Variants in E2F6 observed in about 807,000 individuals in gnomAD.
The protein encoded by E2F6 is transcription factor E2F6.
A neutral mutation model predicts 31.5 loss-of-function variants in E2F6; 19 were observed. The ratio of observed to expected loss-of-function variants is 0.60; its 90% CI spans 0.42 to 0.89. The LOEUF is 0.89. E2F6 is among the 40% of genes least tolerant of loss of function. E2F6 has a pLI of 0.00. For missense variants in E2F6, 269 were observed against 341.6 expected, an observed-to-expected ratio of 0.79 and a Z score of 1.67; for synonymous variants, 121 against 127.7, an observed-to-expected ratio of 0.95 and a Z score of 0.36.
rs1422679204 is a variant in E2F6, at chr2:11,465,793, G to A, written c.87C>T (p.Pro29=). 2.1e-5 allele frequency: 34 copies of A among 1,600,526 alleles called. 1 individual carries two copies. The highest frequency in any genetic ancestry group is 6.8e-5 in the East Asian group (3 of 44,254). ...TTACCAGCAGGCCCTCCACGTTGAT[G>A]GGGTCTCGGCACCGACGGCGAACCG... The part of the protein sequence containing the change: ...EETVRRRCRD[P]INVEGLLPSK... The change falls in exon 1 of 7, where the codon CCC becomes CCT. Residue 29 remains proline, a synonymous_variant. Transcript: ENST00000381525.
chr2:11,462,042 T>G, intron 1 of E2F6, among the ~76,000 whole-genome samples: 1 of 152,238 alleles, frequency 6.6e-6, no homozygotes, highest in East Asian at 1.9e-4. Flanking sequence ...CTATTAGAAG[T>G]AGAGCTCTTG....
chr2:11,452,988 T>C (rs1407533575), intron 3 of E2F6, among the ~76,000 whole-genome samples: 2 of 152,224 alleles, frequency 1.3e-5, no homozygotes, highest in Non-Finnish European at 2.9e-5. Context: ...GAGGTCACTA[T>C]GTACTTATTT....
intron 5 of E2F6, among the ~76,000 whole-genome samples, chr2:11,449,607 T>C (rs1448321468): frequency 2.0e-5 from 3 of 152,234 alleles, no homozygotes; most frequent in African/African-American, 7.2e-5. Flanking sequence ...TCCTGGTTTA[T>C]TCATCAGTCT....
intron 1 of E2F6, among the ~76,000 whole-genome samples, chr2:11,465,178 CAAAAAAA>C (rs59561027): frequency 4.5e-5 from 4 of 88,590 alleles, no homozygotes; most frequent in Middle Eastern, 6.8e-3. Context: ...AACTCAATCT[CAAAAAAA>C]AAAAAAAAAA....
At chr2:11,451,507 C>T (rs771511726) in intron 4 of E2F6, 144 bp downstream of exon 4, 16 of 796,994 alleles carry the variant, frequency 2.0e-5, no homozygotes, top group Non-Finnish European at 3.0e-5. Flanking sequence ...TGTGTGCCAC[C>T]ACGCCTGGCT....
chr2:11,455,415 C>G (rs1036774550), intron 2 of E2F6: 1 of 1,283,282 alleles, frequency 7.8e-7, no homozygotes, highest in African/African-American at 1.5e-5. Flanking sequence ...GCGGTTACTT[C>G]AGGAACAAAG....
At chr2:11,458,767 A>C (rs1374636504) in intron 1 of E2F6, among the ~76,000 whole-genome samples, 2 of 152,212 alleles carry the variant, frequency 1.3e-5, no homozygotes, top group Non-Finnish European at 2.9e-5. Flanking sequence ...TCTATTAACA[A>C]ATCACCCCAA....
rs376174275 is a variant in E2F6 at position 11,458,244 on chromosome 2, C to A, written c.109-1011G>T. 3.9e-6 allele frequency: 6 copies of A among 1,549,882 alleles called. No homozygotes were observed. In the African/African-American group the frequency reaches 6.8e-5, roughly 18 times the overall value. ...ATAGGTACTCTAAGAAGAGAATCAACAGCAGTACTAGGGATACACCCAGAC... is the reference window on the plus strand; with the variant it reads ...ATAGGTACTCTAAGAAGAGAATCAAAAGCAGTACTAGGGATACACCCAGAC... On this transcript the variant is annotated intron_variant, in intron 1 of 6. Coordinates refer to ENST00000381525, the MANE Select transcript of E2F6 (RefSeq NM_198256.4).
chr2:11,450,509 C>T (rs1332637137), intron 4 of E2F6, among the ~76,000 whole-genome samples: 2 of 151,952 alleles, frequency 1.3e-5, no homozygotes, highest in African/African-American at 4.8e-5. Flanking sequence ...CTAGATCTTA[C>T]TATAACTTTG....
At position 11,462,867 on chromosome 2, in the gene E2F6, G is replaced by A. The variant is rs188564806; in HGVS notation, c.108+2905C>T. 1.8e-3 allele frequency among the ~76,000 whole-genome samples: 277 copies of A among 152,252 alleles called. 2 individuals carry two copies. Among genetic ancestry groups the A allele is most frequent in the Non-Finnish European group, 2.4e-3 (166 of 68,022 alleles). On this transcript the variant is annotated intron_variant, in intron 1 of 6. Coordinates refer to ENST00000381525, the MANE Select transcript of E2F6 (RefSeq NM_198256.4). ...GGAATTTTCATTTTAATAGTTTGGG[G>A]GACCACAGGTTAACTGAAATAAAGA...
intron 5 of E2F6, among the ~76,000 whole-genome samples, chr2:11,448,428 C>CT (rs1670858537): frequency 6.6e-6 from 1 of 152,144 alleles, no homozygotes; most frequent in African/African-American, 2.4e-5. Flanking sequence ...ATAACAAAGT[C>CT]TGTTTTCTCC....
At chr2:11,459,809 G>A (rs558058745) in intron 1 of E2F6, among the ~76,000 whole-genome samples, 113 of 152,196 alleles carry the variant, frequency 7.4e-4, no homozygotes, top group Non-Finnish European at 9.4e-4. Flanking sequence ...GCTTGAACCC[G>A]GGAGGCAGGG....
At chr2:11,456,654 C>T (rs757742554) in intron 2 of E2F6, among the ~76,000 whole-genome samples, 3 of 152,164 alleles carry the variant, frequency 2.0e-5, no homozygotes, top group African/African-American at 7.2e-5. Flanking sequence ...GGGACAGATG[C>T]AAGAAACACA....
chr2:11,452,570 C>CAA (rs776851289), intron 3 of E2F6, among the ~76,000 whole-genome samples: 43 of 151,452 alleles, frequency 2.8e-4, no homozygotes, highest in Non-Finnish European at 4.7e-4. Flanking sequence ...TGCCACTATA[C>CAA]TCCAGCCTGG....
intron 1 of E2F6, among the ~76,000 whole-genome samples, chr2:11,458,610 A>G (rs769786018): frequency 2.0e-5 from 3 of 152,254 alleles, no homozygotes; most frequent in Admixed American, 6.5e-5. Flanking sequence ...GTTTAGAAAT[A>G]TAAGTATGGC....
rs946346180 is a variant in E2F6 at position 11,465,860 on chromosome 2, G to A, written c.20C>T (p.Ala7Val). MSQQRP[A>V]RKLPSLLLDP... ...CAGGAGGAGACTGGGTAACTTCCTCGCCGGCCGCTGCTGACTCATGCTGCC... is the reference window on the plus strand; with the variant it reads ...CAGGAGGAGACTGGGTAACTTCCTCACCGGCCGCTGCTGACTCATGCTGCC... Residue 7 changes from alanine to valine, a missense_variant, in exon 1 of 7, where the codon GCG becomes GTG. Physicochemically the swap from Ala to Val is moderately conservative, Grantham distance 64. Coordinates refer to ENST00000381525, the MANE Select transcript of E2F6 (RefSeq NM_198256.4). 4 of 1,566,052 alleles carry A rather than the reference G, an allele frequency of 2.6e-6. No individual in the cohort carries two copies. The African/African-American group carries it at 4.1e-5, about 16-fold the overall frequency.
Position 11,456,946 on chromosome 2 carries a change from C to G in E2F6, c.163+233G>C, listed in dbSNP as rs80122710. The G allele has an allele frequency of 9.2e-3, 4,160 of 454,640 alleles. 152 individuals are homozygous for G. The highest frequency in any genetic ancestry group is 0.078 in the African/African-American group (3,777 of 48,506). 28.2% of individuals were successfully genotyped at this position (454,640 alleles called of 1,614,324 possible). A position where few individuals can be genotyped will look rare whatever the true frequency, so the allele number is the denominator to read the frequency against. The stretch of plus-strand genomic sequence containing the variant: ...GTACATTTCTCTCCCAGGAGGAATT[C>G]TGAGAAAATAGCCTTAAATACAGAC... On this transcript the variant is annotated intron_variant, in intron 2 of 6. Transcript: ENST00000381525.
chr2:11,462,136 G>A (rs1471027482), intron 1 of E2F6, among the ~76,000 whole-genome samples: 1 of 151,998 alleles, frequency 6.6e-6, no homozygotes, highest in Non-Finnish European at 1.5e-5. Flanking sequence ...CTGTTTCCCA[G>A]AACCATTCCT....
chr2:11,453,461 C>T (rs1671197963), intron 3 of E2F6, 121 bp downstream of exon 3: 1 of 928,450 alleles, frequency 1.1e-6, no homozygotes. Flanking sequence ...GAATTCTCTT[C>T]TAACAAGAAG....
Sources: gnomAD v4.1 joint callset for allele counts (sites outside exome capture counted in the v4.1 genomes callset) on GRCh38, gnomAD v4.1.1 for gene constraint, MANE v1.5 for transcripts, NCBI Gene and HGNC (gene_info 2026-07-23, HGNC 2026-07-21) for gene names.